The following ATP6V0A4 variants were observed in gnomAD, a reference collection of about 807,000 sequenced individuals.
ATP6V0A4 encodes ATPase H+ transporting V0 subunit a4.
In ATP6V0A4, 86 loss-of-function variants were observed where a neutral mutation model predicts 107.3. The observed-to-expected ratio is 0.80, with a 90% CI of 0.67 to 0.96. The LOEUF is 0.96. Among genes scored for constraint, ATP6V0A4 ranks in the 40% least tolerant of loss-of-function variants. ATP6V0A4 has a pLI of 0.00. For synonymous variants in ATP6V0A4, 353 were observed against 381.4 expected (o/e 0.93, Z 0.87); for missense variants, 908 against 1,045.6 (o/e 0.87, Z 1.81).
At chr7:138,784,165 C>T (rs1808038486) in intron 2 of ATP6V0A4, among the ~76,000 whole-genome samples, 1 of 147,506 alleles carries the variant, frequency 6.8e-6, no homozygotes, top group African/African-American at 2.5e-5. Context: ...ATTATTTGTG[C>T]CATTGAATTT....
intron 20 of ATP6V0A4, among the ~76,000 whole-genome samples, chr7:138,715,185 T>G (rs983810286): frequency 6.6e-6 from 1 of 152,082 alleles, no homozygotes; most frequent in Non-Finnish European, 1.5e-5. Flanking sequence ...GACACCAAAT[T>G]TGTGTTGTTG....
chr7:138,788,308 T>G (rs775685040), intron 1 of ATP6V0A4, among the ~76,000 whole-genome samples: 1 of 152,184 alleles, frequency 6.6e-6, no homozygotes, highest in African/African-American at 2.4e-5. Context: ...CCAACAGAAA[T>G]ATTTTGCACA....
chr7:138,710,763 C>T (rs1396694803), intron 20 of ATP6V0A4, among the ~76,000 whole-genome samples: 1 of 152,064 alleles, frequency 6.6e-6, no homozygotes, highest in Non-Finnish European at 1.5e-5. Flanking sequence ...TTGGTGGTCA[C>T]GGGTCCCCTC....
At position 138,747,435 on chromosome 7, in the gene ATP6V0A4, G is replaced by A. The variant is rs762946484; in HGVS notation, c.1310C>T (p.Thr437Ile). 8 of 1,614,042 alleles carry A rather than the reference G, an allele frequency of 5.0e-6. No individual in the cohort carries two copies. Among genetic ancestry groups the A allele is most frequent in the East Asian group, 2.2e-5 (1 of 44,898 alleles). The part of the protein sequence containing the change: ...LNERRLLSQK[T>I]DNEIWNTFFH... ...TCAATGGACACTCACCTCATTGTCT[G>A]TCTTCTGGGAGAGCAAGCGTCTCTC... is the stretch of plus-strand genomic sequence containing the variant. The change falls in exon 13 of 22, where the codon ACA (threonine) becomes ATA (isoleucine). Residue 437 changes from threonine (T) to isoleucine (I), a missense_variant. By Grantham distance (89) the Thr-to-Ile change is moderately conservative. Coordinates refer to ENST00000310018, the MANE Select transcript of ATP6V0A4 (RefSeq NM_020632.3).
chr7:138,712,948 G>C (rs1803821952), intron 20 of ATP6V0A4, among the ~76,000 whole-genome samples: 1 of 152,106 alleles, frequency 6.6e-6, no homozygotes, highest in Non-Finnish European at 1.5e-5. Flanking sequence ...ACAAGTAGGT[G>C]ACAGTCCTGG....
chr7:138,764,374 T>C (rs1452000490), intron 5 of ATP6V0A4, among the ~76,000 whole-genome samples: 1 of 151,922 alleles, frequency 6.6e-6, no homozygotes, highest in Non-Finnish European at 1.5e-5. Flanking sequence ...ATTCTACTAA[T>C]GCAATTTAAT....
intron 20 of ATP6V0A4, among the ~76,000 whole-genome samples, chr7:138,711,379 C>T (rs999103742): frequency 2.6e-5 from 4 of 152,186 alleles, no homozygotes; most frequent in East Asian, 3.9e-4. Context: ...TCACAGAGCA[C>T]GTGTGAATGC....
At chr7:138,787,317 A>G (rs1267387157) in intron 1 of ATP6V0A4, among the ~76,000 whole-genome samples, 2 of 152,208 alleles carry the variant, frequency 1.3e-5, no homozygotes, top group Non-Finnish European at 2.9e-5. Context: ...GATGGAAGGC[A>G]TAATTCCCCC....
intron 5 of ATP6V0A4, among the ~76,000 whole-genome samples, chr7:138,767,695 T>C (rs73166967): frequency 0.066 from 9,899 of 151,086 alleles, 427 homozygotes; most frequent in Middle Eastern, 0.14. Flanking sequence ...AGGTGAAGCC[T>C]TGCCTACCTG....
At chr7:138,766,556 A>C (rs1807103560) in intron 5 of ATP6V0A4, among the ~76,000 whole-genome samples, 1 of 152,064 alleles carries the variant, frequency 6.6e-6, no homozygotes, top group Non-Finnish European at 1.5e-5. Flanking sequence ...ACCCTTACCA[A>C]AGAGATAAAA....
chr7:138,716,870 G>C (rs1229767342), intron 19 of ATP6V0A4, among the ~76,000 whole-genome samples: 1 of 152,096 alleles, frequency 6.6e-6, no homozygotes, highest in African/African-American at 2.4e-5. Context: ...GGCCATGGGG[G>C]ACAATTGACT....
At chr7:138,771,352 C>A in intron 2 of ATP6V0A4, 88 bp from the exon 3 acceptor site, 1 of 1,409,378 alleles carries the variant, frequency 7.1e-7, no homozygotes, top group Non-Finnish European at 9.6e-7. Context: ...AAATTAAAAT[C>A]TAACAGGGAA....
At chr7:138,777,369 C>T (rs1036096870) in intron 2 of ATP6V0A4, among the ~76,000 whole-genome samples, 1 of 151,872 alleles carries the variant, frequency 6.6e-6, no homozygotes, top group African/African-American at 2.4e-5. Context: ...CATCCCAGCA[C>T]TTTGGGAGGC....
At chr7:138,741,355 C>A (rs536536273) in intron 14 of ATP6V0A4, among the ~76,000 whole-genome samples, 3 of 152,072 alleles carry the variant, frequency 2.0e-5, no homozygotes, top group Non-Finnish European at 4.4e-5. Flanking sequence ...CTTGCCCAGA[C>A]GTGACCCCCA....
At position 138,771,000 on chromosome 7, in the gene ATP6V0A4, A is replaced by T; in HGVS notation, c.117+131T>A. 20 of 993,164 alleles carry T rather than the reference A, an allele frequency of 2.0e-5. No individual in the cohort carries two copies. In the South Asian group the frequency reaches 2.6e-4, roughly 13 times the overall value. 61.5% of individuals were successfully genotyped at this position (993,164 alleles called of 1,614,324 possible). A position where few individuals can be genotyped will look rare whatever the true frequency, so the allele number is the denominator to read the frequency against. On this transcript the variant is annotated intron_variant, in intron 3 of 21. Transcript: ENST00000310018. ...CTAGCCAGAAGCACTAAAACTACAG[A>T]ATTTCATCGATTCCAGCTCACGGCT...
At chr7:138,765,543 T>C (rs914329570) in intron 5 of ATP6V0A4, among the ~76,000 whole-genome samples, 10 of 152,170 alleles carry the variant, frequency 6.6e-5, no homozygotes, top group Non-Finnish European at 1.5e-4. Context: ...AGGACTGTTA[T>C]AAAAGCCTCT....
At chr7:138,726,730 G>A (rs1049889899) in intron 18 of ATP6V0A4, among the ~76,000 whole-genome samples, 2 of 152,268 alleles carry the variant, frequency 1.3e-5, no homozygotes, top group African/African-American at 4.8e-5. Context: ...AGCCGCCTGA[G>A]GAAACAACCA....
rs780233069 is a variant in ATP6V0A4, at chr7:138,745,296, CAG to C, written c.1321-18_1321-17del. 5 of 1,613,636 alleles carry C rather than the reference CAG, an allele frequency of 3.1e-6. No individual in the cohort carries two copies. The highest frequency in any genetic ancestry group is 4.2e-6 in the Non-Finnish European group (5 of 1,179,904). ...TGTTCCAAATCTGGCCTCAGAGAGA[CAG>C]AGAGGATGATTGTCAGTGGGCTCTG... is the stretch of plus-strand genomic sequence containing the variant. On this transcript the variant is annotated splice_polypyrimidine_tract_variant and intron_variant, in intron 13 of 21. Coordinates refer to ENST00000310018, the MANE Select transcript of ATP6V0A4 (RefSeq NM_020632.3).
intron 15 of ATP6V0A4, among the ~76,000 whole-genome samples, chr7:138,738,599 T>C (rs1021550964): frequency 6.6e-6 from 1 of 152,186 alleles, no homozygotes; most frequent in African/African-American, 2.4e-5. Flanking sequence ...TTACCACTTT[T>C]GATAAAACTT....
Sources: allele counts gnomAD v4.1 joint callset (sites outside exome capture counted in the v4.1 genomes callset), GRCh38; gene constraint gnomAD v4.1.1; transcripts MANE v1.5; gene names NCBI Gene and HGNC (gene_info 2026-07-23, HGNC 2026-07-21).